Variants in TENM3 observed in about 807,000 individuals in gnomAD.
The protein encoded by TENM3 is teneurin-3.
Under a neutral mutation model 255.1 loss-of-function variants are expected in TENM3, and 63 were observed. The ratio of observed to expected loss-of-function variants is 0.25; its 90% CI spans 0.20 to 0.30. TENM3 has a LOEUF of 0.30. Ranked by LOEUF, TENM3 falls within the 10% of genes least tolerant of loss-of-function variation. The pLI is 1.00. For synonymous variants in TENM3, 1,306 were observed against 1,322.3 expected (o/e 0.99, Z 0.27); for missense variants, 2,929 against 3,461.1 (o/e 0.85, Z 3.86).
chr4:181,939,223 T>A, the TENM3 span, among the ~76,000 whole-genome samples: 1 of 152,232 alleles, frequency 6.6e-6, no homozygotes. Flanking sequence ...AATTTTCTTA[T>A]ACTAAGATAT....
intron 12 of TENM3, among the ~76,000 whole-genome samples, chr4:182,693,701 G>A (rs181098915): frequency 6.6e-6 from 1 of 152,276 alleles, no homozygotes; most frequent in Non-Finnish European, 1.5e-5. Flanking sequence ...ATGTTTAAGA[G>A]CTTTGGGAAT....
At chr4:181,815,956 G>A in the TENM3 span, among the ~76,000 whole-genome samples, 1 of 152,158 alleles carries the variant, frequency 6.6e-6, no homozygotes, top group Non-Finnish European at 1.5e-5. Context: ...AGATTAAAAT[G>A]TGTCTCAGTA....
At chr4:182,540,947 G>A (rs1480595230) in intron 3 of TENM3, among the ~76,000 whole-genome samples, 2 of 152,166 alleles carry the variant, frequency 1.3e-5, no homozygotes, top group South Asian at 2.1e-4. Context: ...CAGAGCGAGC[G>A]AGTGGTACTA....
chr4:182,260,907 G>A (rs1184989239), intron 1 of TENM3, among the ~76,000 whole-genome samples: 1 of 151,552 alleles, frequency 6.6e-6, no homozygotes, highest in Non-Finnish European at 1.5e-5. Context: ...TCGGAGACTT[G>A]CCCTGTTGCC....
chr4:182,388,058 G>A (rs17073223), intron 3 of TENM3, among the ~76,000 whole-genome samples: 2 of 151,836 alleles, frequency 1.3e-5, no homozygotes, highest in Non-Finnish European at 2.9e-5. Flanking sequence ...ATGGAGACTC[G>A]CACTTTCGCA....
At chr4:181,719,769 T>G in the TENM3 span, among the ~76,000 whole-genome samples, 1 of 152,270 alleles carries the variant, frequency 6.6e-6, no homozygotes, top group Non-Finnish European at 1.5e-5. Flanking sequence ...AGCAATAGTC[T>G]CTATCATAAA....
intron 3 of TENM3, among the ~76,000 whole-genome samples, chr4:182,455,651 T>C (rs1229707308): frequency 3.8e-5 from 5 of 131,928 alleles, no homozygotes; most frequent in South Asian, 2.5e-4. Context: ...AGCCTCCGCC[T>C]CCCGGGTTCA....
At chr4:181,766,754 C>CAAAAAA in the TENM3 span, among the ~76,000 whole-genome samples, 2 of 114,846 alleles carry the variant, frequency 1.7e-5, no homozygotes. Flanking sequence ...TGTAGGCGTT[C>CAAAAAA]AAAAAAAAAA....
chr4:182,543,148 T>TG (rs1165723236), intron 3 of TENM3, among the ~76,000 whole-genome samples: 2 of 151,696 alleles, frequency 1.3e-5, no homozygotes, highest in East Asian at 3.9e-4. Context: ...GATGCAAGGA[T>TG]GGAGGGATGC....
the TENM3 span, among the ~76,000 whole-genome samples, chr4:181,723,767 T>A: frequency 2.0e-5 from 3 of 152,084 alleles, no homozygotes. Context: ...ATTCTGGAAA[T>A]TTTATTGAAT....
the TENM3 span, among the ~76,000 whole-genome samples, chr4:181,985,298 A>G: frequency 2.0e-5 from 3 of 151,164 alleles, no homozygotes; most frequent in Non-Finnish European, 4.4e-5. Flanking sequence ...ATTGTAGCAA[A>G]TCAGCTAAGG....
chr4:181,747,679 G>A, the TENM3 span, among the ~76,000 whole-genome samples: 1 of 151,594 alleles, frequency 6.6e-6, no homozygotes, highest in African/African-American at 2.4e-5. Flanking sequence ...TTACATTCCT[G>A]CTTAATTTTG....
chr4:181,911,307 G>A, the TENM3 span, among the ~76,000 whole-genome samples: 1 of 152,182 alleles, frequency 6.6e-6, no homozygotes, highest in African/African-American at 2.4e-5. Context: ...GATTAAGGTG[G>A]TGGTTGACAA....
At chr4:181,996,025 C>T in the TENM3 span, among the ~76,000 whole-genome samples, 1 of 152,036 alleles carries the variant, frequency 6.6e-6, no homozygotes, top group African/African-American at 2.4e-5. Context: ...CTCAGGCAAA[C>T]TCAATAACCC....
intron 12 of TENM3, among the ~76,000 whole-genome samples, chr4:182,699,043 G>A (rs140965134): frequency 6.6e-5 from 10 of 152,294 alleles, no homozygotes; most frequent in East Asian, 1.9e-4. Context: ...AAAGAAATAC[G>A]CTTCACATAC....
chr4:182,667,310 C>A (rs1418687218), intron 6 of TENM3, among the ~76,000 whole-genome samples: 2 of 152,020 alleles, frequency 1.3e-5, no homozygotes, highest in African/African-American at 2.4e-5. Context: ...CCTGCCTCAG[C>A]CTCCCAAGTA....
intron 3 of TENM3, among the ~76,000 whole-genome samples, chr4:182,587,509 A>G (rs1193840613): frequency 6.6e-6 from 1 of 152,112 alleles, no homozygotes; most frequent in African/African-American, 2.4e-5. Flanking sequence ...AACCCGGGAG[A>G]CAGAGGTCGC....
At chr4:182,624,102 G>A (rs938836181) in intron 4 of TENM3, among the ~76,000 whole-genome samples, 11 of 152,208 alleles carry the variant, frequency 7.2e-5, no homozygotes, top group Admixed American at 3.3e-4. Flanking sequence ...CAGGAATCAC[G>A]CGGGGAGGCC....
At chr4:182,781,355 A>G (rs1405731321) in intron 24 of TENM3, among the ~76,000 whole-genome samples, 2 of 147,124 alleles carry the variant, frequency 1.4e-5, no homozygotes, top group African/African-American at 5.1e-5. Context: ...ATGCTGGATT[A>G]CATTTATTGA....
Sources: gnomAD v4.1 joint callset for allele counts (sites outside exome capture counted in the v4.1 genomes callset) on GRCh38, gnomAD v4.1.1 for gene constraint, MANE v1.5 for transcripts, NCBI Gene and HGNC (gene_info 2026-07-23, HGNC 2026-07-21) for gene names.